ZNF385B: variants seen among roughly 807,000 people sequenced by gnomAD.
ZNF385B encodes the protein zinc finger protein 385B.
In ZNF385B, 23 loss-of-function variants were observed where a neutral mutation model predicts 39.2. That is an observed-to-expected ratio of 0.59 (90% CI 0.42 to 0.83). The LOEUF (loss-of-function observed/expected upper bound fraction) is 0.83, where lower values mean the gene tolerates loss of function less well. Ranked by LOEUF, ZNF385B falls within the 40% of genes least tolerant of loss-of-function variation. The pLI, the probability that ZNF385B is intolerant of heterozygous loss-of-function variation, is 0.00. For synonymous variants in ZNF385B, 205 were observed against 222.6 expected, an observed-to-expected ratio of 0.92 and a Z score of 0.70; for missense variants, 552 against 598.9, an observed-to-expected ratio of 0.92 and a Z score of 0.82.
At chr2:179,755,822 G>A (rs2106477887) in intron 3 of ZNF385B, among the ~76,000 whole-genome samples, 1 of 152,280 alleles carries the variant, frequency 6.6e-6, no homozygotes, top group African/African-American at 2.4e-5. Context: ...GAGCCTATGT[G>A]TGTCTCTGCA....
At chr2:179,778,627 C>A (rs557338097) in intron 1 of ZNF385B, among the ~76,000 whole-genome samples, 2 of 152,280 alleles carry the variant, frequency 1.3e-5, no homozygotes, top group African/African-American at 4.8e-5. Context: ...TGGGAAAGTA[C>A]AGGTAGAGTC....
chr2:179,543,349 C>T (rs930231264), intron 4 of ZNF385B, among the ~76,000 whole-genome samples: 3 of 152,176 alleles, frequency 2.0e-5, no homozygotes, highest in East Asian at 1.9e-4. Flanking sequence ...TTTATGACTA[C>T]TTGCATCATG....
intron 6 of ZNF385B, among the ~76,000 whole-genome samples, chr2:179,479,487 C>A (rs896792295): frequency 6.6e-6 from 1 of 152,140 alleles, no homozygotes; most frequent in South Asian, 2.1e-4. Context: ...GCTTCCTTAG[C>A]TCTTGGAAGC....
In ZNF385B at chr2:179,736,901, C is replaced by T. The variant is rs373832707; in HGVS notation, c.298+32602G>A. ...AGGAGAATCACTTGAACTCGAGAGG[C>T]GGAACTTGGAGTGAGCAGAGATCAT... is the stretch of plus-strand genomic sequence containing the variant. On this transcript the variant is annotated intron_variant, in intron 3 of 9. Transcript: ENST00000410066. Among the ~76,000 whole-genome samples the T allele has an allele frequency of 6.6e-5, 10 of 152,276 alleles. No homozygotes were observed. The South Asian group carries it at 1.5e-3, about 22-fold the overall frequency.
Position 179,708,941 on chromosome 2 carries a change from T to A in ZNF385B, c.298+60562A>T, listed in dbSNP as rs1046260948. Among the ~76,000 whole-genome samples the A allele has an allele frequency of 3.7e-4, 56 of 152,320 alleles. 1 individual carries two copies. Among genetic ancestry groups the A allele is most frequent in the African/African-American group, 1.2e-3 (51 of 41,572 alleles). On this transcript the variant is annotated intron_variant, in intron 3 of 9. Coordinates refer to ENST00000410066, the MANE Select transcript of ZNF385B (RefSeq NM_152520.6). ...CAATAGTAGATTACTGGGAATTAAATAAGGTGGTCTCTGCAATGTATGCAG... is the reference window on the plus strand; with the variant it reads ...CAATAGTAGATTACTGGGAATTAAAAAAGGTGGTCTCTGCAATGTATGCAG...
intron 3 of ZNF385B, among the ~76,000 whole-genome samples, chr2:179,756,648 T>G (rs192786710): frequency 6.6e-6 from 1 of 152,044 alleles, no homozygotes; most frequent in East Asian, 2.0e-4. Flanking sequence ...TTTCACCTAG[T>G]CCCATATACC....
At chr2:179,483,878 CT>C (rs1438773503) in intron 5 of ZNF385B, among the ~76,000 whole-genome samples, 1 of 152,202 alleles carries the variant, frequency 6.6e-6, no homozygotes, top group African/African-American at 2.4e-5. Context: ...CTTCTGGGCT[CT>C]GCTCTGAGAC....
intron 3 of ZNF385B, among the ~76,000 whole-genome samples, chr2:179,704,228 G>C (rs1368417314): frequency 6.6e-6 from 1 of 152,142 alleles, no homozygotes; most frequent in East Asian, 1.9e-4. Context: ...TTTATTGAAA[G>C]AGTTTGATAA....
intron 3 of ZNF385B, among the ~76,000 whole-genome samples, chr2:179,724,165 C>G (rs183085438): frequency 6.6e-6 from 1 of 151,930 alleles, no homozygotes; most frequent in Non-Finnish European, 1.5e-5. Context: ...AAAAATTCAC[C>G]GGGCATGGTG....
chr2:179,817,826 T>C (rs56388438), intron 1 of ZNF385B, among the ~76,000 whole-genome samples: 47,886 of 152,002 alleles, frequency 0.32, 7,846 homozygotes, highest in Admixed American at 0.44. Flanking sequence ...CAGGAGACAA[T>C]GTGAGTTTAT....
intron 3 of ZNF385B, among the ~76,000 whole-genome samples, chr2:179,721,010 C>T (rs1037680072): frequency 7.9e-6 from 1 of 126,594 alleles, no homozygotes; most frequent in Admixed American, 8.3e-5. Context: ...CTTAAGTGAT[C>T]CCCCCACTTC....
At chr2:179,649,272 C>T (rs988219288) in intron 3 of ZNF385B, among the ~76,000 whole-genome samples, 11 of 152,160 alleles carry the variant, frequency 7.2e-5, no homozygotes, top group Non-Finnish European at 1.5e-4. Flanking sequence ...ATGACAATGA[C>T]ACATAATCAG....
At chr2:179,672,025 G>A (rs11883814) in intron 3 of ZNF385B, among the ~76,000 whole-genome samples, 7 of 152,358 alleles carry the variant, frequency 4.6e-5, no homozygotes, top group Non-Finnish European at 7.3e-5. Flanking sequence ...ACTCTTGAGA[G>A]CTGTGACATG....
rs765763912 is a variant in ZNF385B at position 179,741,507 on chromosome 2, G to A, written c.298+27996C>T. ...CAGCAAAGGACCCTTTATTCCACAG[G>A]GAGGTTGCCCAATATCTAAGAGTAA... On this transcript the variant is annotated intron_variant, in intron 3 of 9. Coordinates refer to ENST00000410066, the MANE Select transcript of ZNF385B (RefSeq NM_152520.6). Among the ~76,000 whole-genome samples, 6 of 152,162 alleles carry A rather than the reference G, an allele frequency of 3.9e-5. No individual in the cohort carries two copies. The East Asian group carries it at 9.7e-4, about 24-fold the overall frequency.
At chr2:179,674,860 C>G (rs1173750647) in intron 3 of ZNF385B, among the ~76,000 whole-genome samples, 1 of 152,132 alleles carries the variant, frequency 6.6e-6, no homozygotes, top group African/African-American at 2.4e-5. Flanking sequence ...TTATAACCCC[C>G]AAATCCCCAA....
intron 5 of ZNF385B, among the ~76,000 whole-genome samples, chr2:179,510,444 A>G (rs2057588754): frequency 6.6e-6 from 1 of 152,128 alleles, no homozygotes; most frequent in Non-Finnish European, 1.5e-5. Context: ...TGTATAATAT[A>G]TACATAAAAG....
rs746293703 is a variant in ZNF385B, at chr2:179,769,802, C to A, written c.-2G>T. ...GTCAGGGCTTAAGGAGTACCTCATG[C>A]CTGAAAAACAAAACAAGTACAAGTG... On this transcript the variant is annotated splice_region_variant and 5_prime_UTR_variant, in exon 3 of 10. It removes an upstream start codon present in the reference 5' UTR. Transcript: ENST00000410066. The A allele has an allele frequency of 3.8e-6, 6 of 1,597,238 alleles. No individual in the cohort carries two copies. Among genetic ancestry groups the A allele is most frequent in the South Asian group, 2.2e-5 (2 of 89,320 alleles).
intron 6 of ZNF385B, among the ~76,000 whole-genome samples, chr2:179,468,820 G>C (rs1313599133): frequency 1.3e-5 from 2 of 151,346 alleles, no homozygotes; most frequent in Non-Finnish European, 2.9e-5. Context: ...TTTGCCTCAG[G>C]CTGCTTCAGG....
chr2:179,744,746 A>G (rs910444218), intron 3 of ZNF385B, among the ~76,000 whole-genome samples: 1 of 152,166 alleles, frequency 6.6e-6, no homozygotes, highest in African/African-American at 2.4e-5. Context: ...GCTGCTTCCA[A>G]TCAAAGAAAA....
Sources: gnomAD v4.1 joint callset for allele counts (sites outside exome capture counted in the v4.1 genomes callset) on GRCh38, gnomAD v4.1.1 for gene constraint, MANE v1.5 for transcripts, NCBI Gene and HGNC (gene_info 2026-07-23, HGNC 2026-07-21) for gene names.